The following ZFHX3 variants were observed in gnomAD, a reference collection of about 807,000 sequenced individuals.
The protein encoded by ZFHX3 is zinc finger homeobox 3.
ZFHX3 carries 42 observed loss-of-function variants against 279.1 expected under a neutral mutation model. The observed-to-expected ratio is 0.15, with a 90% CI of 0.12 to 0.19. The LOEUF (loss-of-function observed/expected upper bound fraction) is 0.19, where lower values mean the gene tolerates loss of function less well. Among genes scored for constraint, ZFHX3 ranks in the 10% least tolerant of loss-of-function variants. The pLI is 1.00. For missense variants in ZFHX3, 4,981 were observed against 4,754.0 expected, an observed-to-expected ratio of 1.05 and a Z score of -1.40; for synonymous variants, 2,293 against 1,957.8, an observed-to-expected ratio of 1.17 and a Z score of -4.52.
In ZFHX3 at chr16:72,811,513, C is replaced by G. The variant is rs559058208; in HGVS notation, c.3864+64G>C. ...TCGTCCAATAATACAGTATCTTGCC[C>G]ATGTTACTGCATCACCTTTGACCCT... On this transcript the variant is annotated intron_variant, in intron 7 of 9. Transcript: ENST00000268489. 6.3e-6 allele frequency: 9 copies of G among 1,423,886 alleles called. No individual in the cohort carries two copies. The African/African-American group carries it at 8.5e-5, about 14-fold the overall frequency. 88.2% of individuals were successfully genotyped at this position (1,423,886 alleles called of 1,614,324 possible). A position where few individuals can be genotyped will look rare whatever the true frequency, so the allele number is the denominator to read the frequency against.
chr16:73,764,051 A>C (rs894175137), intron 1 of ZFHX3, among the ~76,000 whole-genome samples: 3 of 152,188 alleles, frequency 2.0e-5, no homozygotes, highest in Non-Finnish European at 4.4e-5. Context: ...GCAGGGCCCC[A>C]GACTCCTGAC....
At chr16:73,465,029 G>C (rs1375239538) in intron 2 of ZFHX3, among the ~76,000 whole-genome samples, 2 of 152,148 alleles carry the variant, frequency 1.3e-5, no homozygotes, top group African/African-American at 2.4e-5. Flanking sequence ...AAGCAGGCTG[G>C]CACGATCATT....
chr16:73,690,081 AT>A (rs1414650050), intron 1 of ZFHX3, among the ~76,000 whole-genome samples: 2 of 152,028 alleles, frequency 1.3e-5, no homozygotes, highest in Admixed American at 1.3e-4. Flanking sequence ...CGTCTGGCTA[AT>A]TTTTTTGTAC....
At chr16:73,219,621 T>C (rs2012341683) in intron 5 of ZFHX3, among the ~76,000 whole-genome samples, 1 of 152,206 alleles carries the variant, frequency 6.6e-6, no homozygotes, top group Admixed American at 6.5e-5. Context: ...TGACAAATGG[T>C]TCTCTGATAA....
chr16:72,855,520 G>A lies in ZFHX3; in HGVS notation c.3449-25661C>T, dbSNP rs148866001. Among the ~76,000 whole-genome samples, 1,025 of 152,336 alleles carry A rather than the reference G, an allele frequency of 6.7e-3. 9 individuals are homozygous for A. The highest frequency in any genetic ancestry group is 7.6e-3 in the Non-Finnish European group (518 of 68,026). ...CAGGCAAATTCTAATTCATTCTGCA[G>A]AGACAGAGGAACGAAAACGGATTCA... On this transcript the variant is annotated intron_variant, in intron 4 of 9. Coordinates refer to ENST00000268489, the MANE Select transcript of ZFHX3 (RefSeq NM_006885.4).
At chr16:73,863,252 C>A (rs979184518) in intron 1 of ZFHX3, among the ~76,000 whole-genome samples, 1 of 151,980 alleles carries the variant, frequency 6.6e-6, no homozygotes, top group Admixed American at 6.6e-5. Flanking sequence ...TAGAAGCAGT[C>A]CCTAGAGGAA....
intron 5 of ZFHX3, among the ~76,000 whole-genome samples, chr16:73,177,586 A>G (rs185328919): frequency 6.6e-6 from 1 of 152,358 alleles, no homozygotes; most frequent in East Asian, 1.9e-4. Context: ...TACACAGAAC[A>G]CTGGCATACA....
Position 72,958,802 on chromosome 16 carries a change from G to C in ZFHX3, c.1344C>G (p.Asp448Glu). ...CTACCTTCTCAGAGAAGCAATCCCC[G>C]TCGCCCACTTCCTGCTTCTCTCCTT... ...AAEGEKQEVG[D>E]GDCFSEKVEP... Residue 448 changes from aspartate to glutamate, a missense_variant, in exon 2 of 10, where the codon GAC becomes GAG. Around this residue, in one of 7 missense-constraint regions of ZFHX3, gnomAD observed 1,068 missense variants for 935.2 expected, o/e 1.14. Coordinates refer to ENST00000268489, the MANE Select transcript of ZFHX3 (RefSeq NM_006885.4). 8 of 1,613,828 alleles carry C rather than the reference G, an allele frequency of 5.0e-6. No individual in the cohort carries two copies. Among genetic ancestry groups the C allele is most frequent in the Non-Finnish European group, 6.8e-6 (8 of 1,180,000 alleles).
intron 2 of ZFHX3, among the ~76,000 whole-genome samples, chr16:73,597,411 C>G (rs2052062304): frequency 6.6e-6 from 1 of 152,210 alleles, no homozygotes; most frequent in Admixed American, 6.5e-5. Context: ...TTTTGAAAAT[C>G]TGTGTGTACT....
In ZFHX3 at chr16:72,811,563, C is replaced by T. The variant is rs537992281; in HGVS notation, c.3864+14G>A. On this transcript the variant is annotated intron_variant, in intron 7 of 9. Coordinates refer to ENST00000268489, the MANE Select transcript of ZFHX3 (RefSeq NM_006885.4). ...TGGAGAAAGACCACAGGGTGCTGCT[C>T]CTGGCTGCCTTACCGTCATAATGAG... is the stretch of plus-strand genomic sequence containing the variant. 1.1e-5 allele frequency: 17 copies of T among 1,568,310 alleles called. No homozygotes were observed. The East Asian group carries it at 2.7e-4, about 25-fold the overall frequency.
chr16:73,486,521 G>A (rs1268975095), intron 2 of ZFHX3, among the ~76,000 whole-genome samples: 1 of 152,226 alleles, frequency 6.6e-6, no homozygotes, highest in Non-Finnish European at 1.5e-5. Context: ...TTGATAACAG[G>A]TCTCTAACAC....
chr16:73,857,537 G>T (rs1043098328), intron 1 of ZFHX3, among the ~76,000 whole-genome samples: 1 of 152,118 alleles, frequency 6.6e-6, no homozygotes, highest in Non-Finnish European at 1.5e-5. Flanking sequence ...AAGCGGGGAG[G>T]AGAGGAAAAG....
At chr16:73,669,049 T>G (rs2052874966) in intron 2 of ZFHX3, among the ~76,000 whole-genome samples, 3 of 34,788 alleles carry the variant, frequency 8.6e-5, no homozygotes. Flanking sequence ...TTCTATTTAT[T>G]ATTTTTTTTC....
At chr16:73,036,687 C>A (rs1226304245) in intron 1 of ZFHX3, among the ~76,000 whole-genome samples, 1 of 152,188 alleles carries the variant, frequency 6.6e-6, no homozygotes, top group South Asian at 2.1e-4. Context: ...CTGCCCCTCC[C>A]GGCGCTTTGA....
chr16:73,841,596 G>A (rs567200542), intron 1 of ZFHX3, among the ~76,000 whole-genome samples: 1 of 152,076 alleles, frequency 6.6e-6, no homozygotes, highest in Non-Finnish European at 1.5e-5. Flanking sequence ...GGCCACAAGA[G>A]GGTCCCCAGT....
rs2143300754 is a variant in ZFHX3 at position 72,788,361 on chromosome 16, G to A, written c.9915C>T (p.Ser3305=). 6.2e-7 allele frequency: 1 copy of A among 1,614,206 alleles called. No homozygotes were observed. Among genetic ancestry groups the A allele is most frequent in the Non-Finnish European group, 8.5e-7 (1 of 1,180,040 alleles). ...CTGGTACAAAGTAAGGAAGGAACTGGCTTGTGAGCAATGCTGTGGGGTCCG... is the reference window on the plus strand; with the variant it reads ...CTGGTACAAAGTAAGGAAGGAACTGACTTGTGAGCAATGCTGTGGGGTCCG... ...LTSDPTALLT[S]QFLPYFVPGF... is the part of the protein sequence containing the mutation. The change falls in exon 10 of 10, where the codon AGC becomes AGT. Residue 3305 remains serine, a synonymous_variant. Coordinates refer to ENST00000268489, the MANE Select transcript of ZFHX3 (RefSeq NM_006885.4).
chr16:72,931,563 AT>A (rs1959808975), intron 3 of ZFHX3, among the ~76,000 whole-genome samples: 1 of 139,154 alleles, frequency 7.2e-6, no homozygotes, highest in Admixed American at 7.2e-5. Flanking sequence ...GGGATGCACC[AT>A]TTAAAAAAAA....
intron 3 of ZFHX3, among the ~76,000 whole-genome samples, chr16:73,332,252 G>C (rs2015819389): frequency 6.6e-6 from 1 of 152,186 alleles, no homozygotes; most frequent in Admixed American, 6.5e-5. Flanking sequence ...TTGAGAAACA[G>C]AGATTACACA....
intron 1 of ZFHX3, among the ~76,000 whole-genome samples, chr16:73,824,455 G>C (rs1960840720): frequency 7.7e-6 from 1 of 129,430 alleles, no homozygotes; most frequent in Non-Finnish European, 1.6e-5. Context: ...CATTGTGCAG[G>C]TTAGTTACAT....
Sources: allele counts gnomAD v4.1 joint callset (sites outside exome capture counted in the v4.1 genomes callset), GRCh38; gene constraint gnomAD v4.1.1; regional missense constraint gnomAD v4.1.1; transcripts MANE v1.5; gene names NCBI Gene and HGNC (gene_info 2026-07-23, HGNC 2026-07-21).